LRP1B: variants seen among roughly 807,000 people sequenced by gnomAD.
The protein encoded by LRP1B is LDL receptor related protein 1B, also known as low-density lipoprotein receptor-related protein 1B.
LRP1B carries 217 observed loss-of-function variants against 556.6 expected under a neutral mutation model. The observed-to-expected ratio is 0.39, with a 90% CI of 0.35 to 0.44. The LOEUF (loss-of-function observed/expected upper bound fraction) is 0.44. Ranked by LOEUF, LRP1B falls within the 20% of genes least tolerant of loss-of-function variation. LRP1B has a pLI of 1.00. For missense variants in LRP1B, 5,053 were observed against 5,620.8 expected, an observed-to-expected ratio of 0.90 and a Z score of 3.23; for synonymous variants, 2,047 against 1,865.8, an observed-to-expected ratio of 1.10 and a Z score of -2.50.
chr2:140,656,347 C>T (rs1684878644), intron 41 of LRP1B, among the ~76,000 whole-genome samples: 1 of 152,150 alleles, frequency 6.6e-6, no homozygotes, highest in African/African-American at 2.4e-5. Flanking sequence ...GGCACTATTT[C>T]AGGACACTGT....
chr2:140,303,765 C>T (rs1310153066), intron 83 of LRP1B, among the ~76,000 whole-genome samples: 2 of 151,804 alleles, frequency 1.3e-5, no homozygotes, highest in African/African-American at 4.8e-5. Context: ...CCCATTAACT[C>T]GTCATTTACA....
chr2:141,522,773 G>T (rs1684570188), intron 2 of LRP1B, among the ~76,000 whole-genome samples: 1 of 152,138 alleles, frequency 6.6e-6, no homozygotes, highest in Admixed American at 6.6e-5. Context: ...TTTAAAAAAG[G>T]TCCACGTTTG....
intron 1 of LRP1B, among the ~76,000 whole-genome samples, chr2:141,830,432 A>G (rs1697074999): frequency 6.6e-6 from 1 of 151,964 alleles, no homozygotes; most frequent in Non-Finnish European, 1.5e-5. Flanking sequence ...CCTGGAATAG[A>G]TAAATCATCT....
chr2:140,994,389 ATGTGTGTGTGTGTG>A (rs3061707), intron 15 of LRP1B, among the ~76,000 whole-genome samples: 4 of 147,070 alleles, frequency 2.7e-5, no homozygotes, highest in African/African-American at 7.5e-5. Flanking sequence ...GTAGGTAAGG[ATGTGTGTGTGTGTG>A]TGTGTGTGTG....
intron 1 of LRP1B, among the ~76,000 whole-genome samples, chr2:142,128,718 G>A (rs888319593): frequency 1.3e-5 from 2 of 152,050 alleles, no homozygotes; most frequent in African/African-American, 4.8e-5. Flanking sequence ...ATGTGGACGT[G>A]GTGATACAAC....
At chr2:140,563,028 G>T (rs997787320) in intron 43 of LRP1B, among the ~76,000 whole-genome samples, 1 of 152,074 alleles carries the variant, frequency 6.6e-6, no homozygotes, top group African/African-American at 2.4e-5. Context: ...GTATAAGATG[G>T]TACATATTTT....
intron 5 of LRP1B, among the ~76,000 whole-genome samples, chr2:141,235,862 T>A (rs1683631753): frequency 6.6e-6 from 1 of 152,134 alleles, no homozygotes; most frequent in African/African-American, 2.4e-5. Flanking sequence ...ATAACTGAGT[T>A]CAAATTTATA....
intron 87 of LRP1B, among the ~76,000 whole-genome samples, chr2:140,242,672 G>A (rs980569350): frequency 1.3e-5 from 2 of 151,008 alleles, no homozygotes; most frequent in African/African-American, 4.8e-5. Context: ...GATCTGGGGT[G>A]GAAGGAGACT....
chr2:141,035,668 G>C (rs971149818), intron 11 of LRP1B, among the ~76,000 whole-genome samples: 3 of 151,446 alleles, frequency 2.0e-5, no homozygotes, highest in South Asian at 4.2e-4. Flanking sequence ...TTAAATAAAA[G>C]ATTTTTTCTG....
chr2:140,381,610 C>A (rs904721522), intron 67 of LRP1B, among the ~76,000 whole-genome samples: 2 of 151,930 alleles, frequency 1.3e-5, no homozygotes, highest in African/African-American at 4.8e-5. Context: ...TGCCTGTAAT[C>A]CCAACATTTT....
intron 2 of LRP1B, among the ~76,000 whole-genome samples, chr2:141,722,426 C>T (rs1418217120): frequency 6.6e-6 from 1 of 151,962 alleles, no homozygotes; most frequent in African/African-American, 2.4e-5. Flanking sequence ...TGCAGAAGGG[C>T]CCTGCGGTTA....
chr2:141,895,082 A>C (rs2104922299), intron 1 of LRP1B, among the ~76,000 whole-genome samples: 2 of 151,880 alleles, frequency 1.3e-5, no homozygotes, highest in South Asian at 4.2e-4. Context: ...GAAAAACAAG[A>C]AAGCCTAACT....
chr2:140,887,127 A>G (rs76470697), intron 23 of LRP1B, among the ~76,000 whole-genome samples: 1,606 of 152,302 alleles, frequency 0.011, 22 homozygotes, highest in African/African-American at 0.032. Flanking sequence ...TTTATTGCAC[A>G]GTATTGTTTT....
At position 140,623,091 on chromosome 2, in the gene LRP1B, T is replaced by C. The variant is rs142152944; in HGVS notation, c.6800-21452A>G. On this transcript the variant is annotated intron_variant, in intron 41 of 90. Transcript: ENST00000389484. ...AATGGAAAGAAGGCATTGTATGCAA[T>C]GTCACTGAGCTGATGTTTAAGCTTA... Among the ~76,000 whole-genome samples the C allele has an allele frequency of 6.3e-3, 955 of 152,296 alleles. 7 individuals are homozygous for C. Among genetic ancestry groups the C allele is most frequent in the African/African-American group, 0.02 (825 of 41,578 alleles).
At chr2:141,095,612 TTAACC>T (rs1201735056) in intron 7 of LRP1B, among the ~76,000 whole-genome samples, 3 of 152,016 alleles carry the variant, frequency 2.0e-5, no homozygotes, top group Non-Finnish European at 4.4e-5. Context: ...ATTTCAATTC[TTAACC>T]TAAAGTACAT....
chr2:140,454,708 C>A (rs1052229383), intron 62 of LRP1B, among the ~76,000 whole-genome samples: 2 of 152,002 alleles, frequency 1.3e-5, no homozygotes, highest in African/African-American at 2.4e-5. Flanking sequence ...GTTAGGTTTT[C>A]ATTTATTTGA....
At chr2:140,755,157 A>C (rs922786132) in intron 35 of LRP1B, among the ~76,000 whole-genome samples, 2 of 152,114 alleles carry the variant, frequency 1.3e-5, no homozygotes, top group Admixed American at 6.6e-5. Flanking sequence ...ATAACAATTA[A>C]AGAAATTGAA....
At chr2:141,517,590 G>A (rs951961909) in intron 2 of LRP1B, among the ~76,000 whole-genome samples, 9 of 152,230 alleles carry the variant, frequency 5.9e-5, no homozygotes, top group African/African-American at 1.9e-4. Flanking sequence ...TTATGTCTGA[G>A]TTTCTCTTTA....
At chr2:141,126,148 CA>C (rs1701204568) in intron 7 of LRP1B, among the ~76,000 whole-genome samples, 2 of 152,002 alleles carry the variant, frequency 1.3e-5, no homozygotes, top group South Asian at 4.1e-4. Context: ...TCTCTTGCCT[CA>C]GCCTCCTGAG....
Sources: allele counts gnomAD v4.1 joint callset (sites outside exome capture counted in the v4.1 genomes callset), GRCh38; gene constraint gnomAD v4.1.1; transcripts MANE v1.5; gene names NCBI Gene and HGNC (gene_info 2026-07-23, HGNC 2026-07-21).